The following ITCH variants were observed in gnomAD, a reference collection of about 807,000 sequenced individuals.
ITCH encodes the protein E3 ubiquitin-protein ligase Itchy homolog.
A neutral mutation model predicts 126.8 loss-of-function variants in ITCH; 28 were observed. That is an observed-to-expected ratio of 0.22 (90% CI 0.16 to 0.30). The LOEUF (loss-of-function observed/expected upper bound fraction) is 0.30. ITCH is among the 10% of genes least tolerant of loss of function. The probability of loss-of-function intolerance (pLI) is 1.00; values close to 1 mark genes in which losing one functional copy is unlikely to be tolerated. For synonymous variants in ITCH, 342 were observed against 340.0 expected, an observed-to-expected ratio of 1.01 and a Z score of -0.06; for missense variants, 631 against 1,032.4, an observed-to-expected ratio of 0.61 and a Z score of 5.33.
chr20:34,495,088 C>A (rs1290525557), intron 23 of ITCH, among the ~76,000 whole-genome samples: 3 of 118,296 alleles, frequency 2.5e-5, no homozygotes, highest in African/African-American at 6.5e-5. Context: ...CCCTTCTCTA[C>A]GAAAAATACA....
Position 34,414,832 on chromosome 20 carries a change from T to A in ITCH, c.475+953T>A, listed in dbSNP as rs1568914572. On this transcript the variant is annotated intron_variant, in intron 6 of 24. Coordinates refer to ENST00000374864, the MANE Select transcript of ITCH (RefSeq NM_031483.7). ...CCAGCCATTACAAGCTGAGATCCAT[T>A]TACCATTCCCCTTCTACTTCTGTAG... Among the ~76,000 whole-genome samples, 3 of 152,206 alleles carry A rather than the reference T, an allele frequency of 2.0e-5. No homozygotes were observed. The East Asian group carries it at 5.8e-4, about 29-fold the overall frequency.
chr20:34,405,891 T>C (rs964727563), intron 3 of ITCH, among the ~76,000 whole-genome samples: 6 of 152,122 alleles, frequency 3.9e-5, no homozygotes, highest in South Asian at 2.1e-4. Flanking sequence ...CCCAAAGTGC[T>C]GGTATTACGT....
intron 9 of ITCH, among the ~76,000 whole-genome samples, chr20:34,440,932 G>A (rs1365862146): frequency 2.6e-5 from 4 of 151,998 alleles, no homozygotes; most frequent in South Asian, 4.1e-4. Context: ...TTTTCTTTAA[G>A]GGGGAAAAAA....
intron 10 of ITCH, among the ~76,000 whole-genome samples, chr20:34,444,206 TAATC>T (rs558347550): frequency 6.6e-6 from 1 of 152,344 alleles, no homozygotes; most frequent in Non-Finnish European, 1.5e-5. Context: ...ATTATGTTCA[TAATC>T]AACACAATCA....
chr20:34,387,640 T>C (rs1041489205), intron 2 of ITCH, among the ~76,000 whole-genome samples: 2 of 151,490 alleles, frequency 1.3e-5, no homozygotes, highest in Non-Finnish European at 2.9e-5. Context: ...AAAAAGACCC[T>C]GTTTTGAGTT....
chr20:34,468,485 A>G (rs1035503402), intron 14 of ITCH, among the ~76,000 whole-genome samples: 5 of 151,922 alleles, frequency 3.3e-5, no homozygotes, highest in Admixed American at 2.6e-4. Context: ...TACCCAGTGC[A>G]GTGAGATGAG....
Position 34,440,236 on chromosome 20 carries a change from C to T in ITCH, c.761C>T (p.Thr254Ile), listed in dbSNP as rs774074894. 6.2e-7 allele frequency: 1 copy of T among 1,613,504 alleles called. No individual in the cohort carries two copies. The highest frequency in any genetic ancestry group is 2.2e-5 in the East Asian group (1 of 44,876). The part of the protein sequence containing the change: ...TGSLPPTNTN[T>I]NTSEGATSGL... The stretch of plus-strand genomic sequence containing the variant: ...TCTCTGCCGCCGACAAATACAAATA[C>T]AAATACATCTGAAGGAGCAACATCT... Residue 254 changes from threonine to isoleucine, a missense_variant, in exon 9 of 25, where the codon ACA becomes ATA. By Grantham distance (89) the Thr-to-Ile change is moderately conservative. This residue lies in a region of ITCH where 220 missense variants were observed against 265.7 expected (regional missense o/e 0.83). Coordinates refer to ENST00000374864, the MANE Select transcript of ITCH (RefSeq NM_031483.7).
intron 2 of ITCH, among the ~76,000 whole-genome samples, chr20:34,374,332 G>C (rs2037753776): frequency 6.6e-6 from 1 of 152,132 alleles, no homozygotes; most frequent in African/African-American, 2.4e-5. Context: ...GAGTTAGGTT[G>C]ATTTTGAATT....
chr20:34,475,131 TGG>T (rs903997238), intron 16 of ITCH, among the ~76,000 whole-genome samples: 4 of 145,804 alleles, frequency 2.7e-5, no homozygotes, highest in African/African-American at 2.6e-5. Context: ...CACTCCTAGA[TGG>T]GATGGCGGCC....
At chr20:34,472,168 G>A (rs963767207) in intron 16 of ITCH, among the ~76,000 whole-genome samples, 1 of 152,000 alleles carries the variant, frequency 6.6e-6, no homozygotes, top group African/African-American at 2.4e-5. Context: ...CTGAGGTCAG[G>A]AGTTTGAGAC....
chr20:34,419,624 G>A (rs886331224), intron 6 of ITCH, among the ~76,000 whole-genome samples: 5 of 151,638 alleles, frequency 3.3e-5, no homozygotes, highest in African/African-American at 9.7e-5. Context: ...GATTACAGGC[G>A]TCCACGACCA....
At chr20:34,398,208 G>T (rs1469150195) in intron 3 of ITCH, among the ~76,000 whole-genome samples, 1 of 151,660 alleles carries the variant, frequency 6.6e-6, no homozygotes, top group Non-Finnish European at 1.5e-5. Context: ...AACTACAAGT[G>T]TGCGCCACCA....
intron 2 of ITCH, among the ~76,000 whole-genome samples, chr20:34,371,009 GTACA>G (rs1402121372): frequency 8.3e-4 from 126 of 151,598 alleles, no homozygotes; most frequent in African/African-American, 2.9e-3. Flanking sequence ...TCTACTAAAA[GTACA>G]AAAAATTAGC....
At chr20:34,459,913 T>G (rs922880638) in intron 13 of ITCH, among the ~76,000 whole-genome samples, 2 of 152,238 alleles carry the variant, frequency 1.3e-5, no homozygotes, top group Admixed American at 6.5e-5. Flanking sequence ...TCTTCCTCTT[T>G]AGAATTTTCT....
chr20:34,429,765 T>G (rs1000001340), intron 7 of ITCH, among the ~76,000 whole-genome samples: 2 of 152,120 alleles, frequency 1.3e-5, no homozygotes, highest in African/African-American at 4.8e-5. Context: ...ACTGTTGTTT[T>G]TATGTTTATT....
chr20:34,369,541 G>C, intron 2 of ITCH, 71 bp downstream of exon 2: 1 of 394,978 alleles, frequency 2.5e-6, no homozygotes, highest in Non-Finnish European at 4.5e-6. Flanking sequence ...TCTTATACCT[G>C]CTGTGAGGAG....
In ITCH at chr20:34,509,852, T is replaced by G. The variant is rs1361629391; in HGVS notation, c.*2058T>G. ...GGTGAATTCTCATACTGAAATGTAGTTACCTACAATATTTACTAGAGATTT... is the reference window on the plus strand; with the variant it reads ...GGTGAATTCTCATACTGAAATGTAGGTACCTACAATATTTACTAGAGATTT... On this transcript the variant is annotated 3_prime_UTR_variant, in exon 25 of 25. Coordinates refer to ENST00000374864, the MANE Select transcript of ITCH (RefSeq NM_031483.7). The G allele has an allele frequency of 6.6e-6, 1 of 152,640 alleles. No individual in the cohort carries two copies. Among genetic ancestry groups the G allele is most frequent in the Non-Finnish European group, 1.5e-5 (1 of 68,040 alleles). The allele number at this position is 152,640 out of a possible 1,614,324, so 9.5% of individuals were successfully genotyped here.
At chr20:34,416,627 G>A (rs1055442772) in intron 6 of ITCH, among the ~76,000 whole-genome samples, 1 of 151,914 alleles carries the variant, frequency 6.6e-6, no homozygotes, top group Non-Finnish European at 1.5e-5. Context: ...ACACATTTTT[G>A]GTTCTTTCTT....
intron 6 of ITCH, among the ~76,000 whole-genome samples, chr20:34,415,056 G>C (rs1253892324): frequency 6.6e-6 from 1 of 152,130 alleles, no homozygotes; most frequent in Non-Finnish European, 1.5e-5. Flanking sequence ...ACTTCCTAAT[G>C]TGTTAAGTGT....
Sources: gnomAD v4.1 joint callset for allele counts (sites outside exome capture counted in the v4.1 genomes callset) on GRCh38, gnomAD v4.1.1 for gene constraint, gnomAD v4.1.1 regional missense constraint, MANE v1.5 for transcripts, NCBI Gene and HGNC (gene_info 2026-07-23, HGNC 2026-07-21) for gene names.